Variants in CLSTN1 observed in about 807,000 individuals in gnomAD.
CLSTN1 encodes calsyntenin-1.
Under a neutral mutation model 108.3 loss-of-function variants are expected in CLSTN1, and 28 were observed. That is an observed-to-expected ratio of 0.26 (90% CI 0.19 to 0.35). The LOEUF is 0.35. CLSTN1 is among the 10% of genes least tolerant of loss of function. The pLI is 1.00. For missense variants in CLSTN1, 1,157 were observed against 1,302.6 expected, an observed-to-expected ratio of 0.89 and a Z score of 1.72; for synonymous variants, 524 against 534.9, an observed-to-expected ratio of 0.98 and a Z score of 0.28.
chr1:9,777,530 A>G (rs201547342), intron 1 of CLSTN1, among the ~76,000 whole-genome samples: 77 of 151,058 alleles, frequency 5.1e-4, no homozygotes, highest in Middle Eastern at 6.8e-3. Context: ...CTCAAAAAAC[A>G]ACGACGACAA....
At position 9,733,452 on chromosome 1, in the gene CLSTN1, G is replaced by A. The variant is rs760168765; in HGVS notation, c.2376C>T (p.Leu792=). The stretch of plus-strand genomic sequence containing the variant: ...AGCGGCCATTCAGCTCTGAGCAGAT[G>A]AGCTTAAACTTCCGGTCAAGCAAGG... ...ARSLLDRKFK[L]ICSELNGRYI... Residue 792 remains leucine (L), a synonymous_variant, in exon 16 of 19, where the codon CTC becomes CTT. Transcript: ENST00000377298. 3 of 1,614,206 alleles carry A rather than the reference G, an allele frequency of 1.9e-6. No homozygotes were observed. The highest frequency in any genetic ancestry group is 2.2e-5 in the South Asian group (2 of 91,082).
At chr1:9,743,843 C>T (rs778300420) in intron 9 of CLSTN1, 41 bp downstream of exon 9, 261 of 1,609,352 alleles carry the variant, frequency 1.6e-4, no homozygotes, top group Non-Finnish European at 2.2e-4. Flanking sequence ...TAGGTGTGAG[C>T]ACCTTGCCCG....
rs1045361099 is a variant in CLSTN1, at chr1:9,807,613, A to T, written c.91+16030T>A. Among the ~76,000 whole-genome samples the T allele has an allele frequency of 2.0e-5, 3 of 152,222 alleles. No individual in the cohort carries two copies. In the South Asian group the frequency reaches 6.2e-4, roughly 32 times the overall value. Reference sequence around the variant, plus strand: ...CTGGCCCTAAGTCATTCCTCCACACAGCGTACAGCAGTCAGCATCCCCTGA... The same window carrying T: ...CTGGCCCTAAGTCATTCCTCCACACTGCGTACAGCAGTCAGCATCCCCTGA... On this transcript the variant is annotated intron_variant, in intron 1 of 18. Transcript: ENST00000377298.
rs1650578035 is a variant in CLSTN1, at chr1:9,734,539, C to T, written c.2111-397G>A. Among the ~76,000 whole-genome samples the T allele has an allele frequency of 6.6e-6, 1 of 150,786 alleles. No individual in the cohort carries two copies. The highest frequency in any genetic ancestry group is 2.1e-4 in the South Asian group (1 of 4,778). On this transcript the variant is annotated intron_variant, in intron 14 of 18. Coordinates refer to ENST00000377298, the MANE Select transcript of CLSTN1 (RefSeq NM_001009566.3). The surrounding 1 kb of genome is among the most constrained non-coding windows in gnomAD (Gnocchi z 4.8). ...GCAGTTAGCCAAGATGACACCATTG[C>T]ACTCCAGCCTGGGCGACAGAGTGAG...
At chr1:9,813,650 A>T (rs151323233) in intron 1 of CLSTN1, among the ~76,000 whole-genome samples, 1 of 152,250 alleles carries the variant, frequency 6.6e-6, no homozygotes, top group Non-Finnish European at 1.5e-5. Flanking sequence ...TGCAAAACTC[A>T]GTGAGACTAG....
chr1:9,787,744 G>A (rs1653562924), intron 1 of CLSTN1, among the ~76,000 whole-genome samples: 2 of 151,298 alleles, frequency 1.3e-5, no homozygotes, highest in African/African-American at 4.8e-5. Flanking sequence ...AAAATACACA[G>A]TATAAAAATT....
At chr1:9,756,889 C>A (rs1651838544) in intron 2 of CLSTN1, among the ~76,000 whole-genome samples, 1 of 152,060 alleles carries the variant, frequency 6.6e-6, no homozygotes, top group Non-Finnish European at 1.5e-5. Flanking sequence ...CACCATTCTC[C>A]TGCCTCAGCC....
chr1:9,823,636 G>A lies in CLSTN1; in HGVS notation c.91+7C>T, dbSNP rs908681920. The A allele has an allele frequency of 8.5e-7, 1 of 1,179,966 alleles. No homozygotes were observed. The highest frequency in any genetic ancestry group is 3.7e-5 in the East Asian group (1 of 27,250). The allele number at this position is 1,179,966 out of a possible 1,614,324, so 73.1% of individuals were successfully genotyped here. A position where few individuals can be genotyped will look rare whatever the true frequency, so the allele number is the denominator to read the frequency against. ...ACCCAGCGGCCCGGCCCAGCCCCGG[G>A]GCTTACCTCGCGCGGCCCAGACCCC... On this transcript the variant is annotated splice_region_variant and intron_variant, in intron 1 of 18. Transcript: ENST00000377298. This position sits in a 1 kb window ranked among gnomAD's most constrained non-coding sequence, Gnocchi z 6.3.
chr1:9,784,948 A>G (rs1653411105), intron 1 of CLSTN1, among the ~76,000 whole-genome samples: 1 of 152,114 alleles, frequency 6.6e-6, no homozygotes, highest in Non-Finnish European at 1.5e-5. Flanking sequence ...TCAAAATATA[A>G]AAAGGCATTA....
chr1:9,767,640 C>T (rs933824095), intron 2 of CLSTN1, among the ~76,000 whole-genome samples: 21 of 151,824 alleles, frequency 1.4e-4, no homozygotes, highest in African/African-American at 4.1e-4. Context: ...ACTCAATAAA[C>T]GTTAGATGCC....
intron 11 of CLSTN1, among the ~76,000 whole-genome samples, chr1:9,737,016 T>A (rs755757649): frequency 1.3e-5 from 2 of 151,786 alleles, no homozygotes; most frequent in Non-Finnish European, 2.9e-5. Context: ...GAGGTTGCAG[T>A]GAGCCAAGAC....
At chr1:9,782,785 T>C (rs890116699) in intron 1 of CLSTN1, among the ~76,000 whole-genome samples, 5 of 152,104 alleles carry the variant, frequency 3.3e-5, no homozygotes, top group African/African-American at 1.2e-4. Flanking sequence ...GGCAAGCAGA[T>C]CACCTGAGGT....
intron 1 of CLSTN1, among the ~76,000 whole-genome samples, chr1:9,811,566 G>A (rs1654756232): frequency 6.6e-6 from 1 of 151,980 alleles, no homozygotes; most frequent in Non-Finnish European, 1.5e-5. Context: ...TAGTAACTGA[G>A]GGGCTCAAAA....
intron 1 of CLSTN1, among the ~76,000 whole-genome samples, chr1:9,805,270 A>C (rs1275366350): frequency 6.6e-6 from 1 of 152,218 alleles, no homozygotes; most frequent in Non-Finnish European, 1.5e-5. Context: ...TTTAGAAGCA[A>C]ATTACTGGTG....
At chr1:9,732,368 C>G (rs1275202613) in intron 16 of CLSTN1, among the ~76,000 whole-genome samples, 1 of 152,076 alleles carries the variant, frequency 6.6e-6, no homozygotes, top group Non-Finnish European at 1.5e-5. Flanking sequence ...TGGCTGCAAT[C>G]CATTTTTATT....
chr1:9,776,911 T>C (rs1652981968), intron 1 of CLSTN1, among the ~76,000 whole-genome samples: 1 of 145,630 alleles, frequency 6.9e-6, no homozygotes, highest in African/African-American at 2.5e-5. Context: ...TCTATCAGCA[T>C]TTACTACACT....
chr1:9,755,033 G>T, intron 4 of CLSTN1, 81 bp downstream of exon 4: 1 of 1,187,126 alleles, frequency 8.4e-7, no homozygotes, highest in Non-Finnish European at 1.2e-6. Context: ...TTGGGGAGCA[G>T]GCAATAGTCA....
chr1:9,750,960 G>C (rs1651529219), intron 5 of CLSTN1, among the ~76,000 whole-genome samples: 1 of 151,988 alleles, frequency 6.6e-6, no homozygotes, highest in Non-Finnish European at 1.5e-5. Flanking sequence ...AGCTACTCGA[G>C]AGGCTAAGGT....
intron 1 of CLSTN1, among the ~76,000 whole-genome samples, chr1:9,821,939 T>C (rs1336801140): frequency 1.3e-5 from 2 of 152,204 alleles, no homozygotes; most frequent in Non-Finnish European, 2.9e-5. Context: ...TTTCTGTCGG[T>C]CTCAGGTAAT....
Sources: allele counts gnomAD v4.1 joint callset (sites outside exome capture counted in the v4.1 genomes callset), GRCh38; gene constraint gnomAD v4.1.1; non-coding constraint Gnocchi (gnomAD v3.1); transcripts MANE v1.5; gene names NCBI Gene and HGNC (gene_info 2026-07-23, HGNC 2026-07-21).